The following CACNA2D1 variants were observed in gnomAD, a reference collection of about 807,000 sequenced individuals.
CACNA2D1 encodes the protein voltage-dependent calcium channel subunit alpha-2/delta-1.
CACNA2D1 carries 53 observed loss-of-function variants against 171.5 expected under a neutral mutation model. The ratio of observed to expected loss-of-function variants is 0.31; its 90% CI spans 0.25 to 0.39. The LOEUF is 0.39. Ranked by LOEUF, CACNA2D1 falls within the 10% of genes least tolerant of loss-of-function variation. The probability of loss-of-function intolerance (pLI) is 1.00; values close to 1 mark genes in which losing one functional copy is unlikely to be tolerated. For synonymous variants in CACNA2D1, 442 were observed against 443.1 expected, an observed-to-expected ratio of 1.00 and a Z score of 0.03; for missense variants, 903 against 1,299.8, an observed-to-expected ratio of 0.69 and a Z score of 4.69.
At chr7:82,321,756 T>C (rs1049976143) in intron 3 of CACNA2D1, among the ~76,000 whole-genome samples, 1 of 152,152 alleles carries the variant, frequency 6.6e-6, no homozygotes. Context: ...AATCAAATTT[T>C]AGTGTACACA....
chr7:82,253,427 A>C (rs752496749), intron 3 of CACNA2D1, among the ~76,000 whole-genome samples: 1 of 152,180 alleles, frequency 6.6e-6, no homozygotes, highest in African/African-American at 2.4e-5. Flanking sequence ...TAATTAAGGT[A>C]TTGTCATACT....
intron 4 of CACNA2D1, among the ~76,000 whole-genome samples, chr7:82,146,451 A>T (rs1321592893): frequency 5.0e-5 from 7 of 140,708 alleles, no homozygotes; most frequent in African/African-American, 1.3e-4. Context: ...TATATATATA[A>T]AGATATATAT....
At chr7:82,254,779 T>C (rs961090111) in intron 3 of CACNA2D1, among the ~76,000 whole-genome samples, 2 of 152,202 alleles carry the variant, frequency 1.3e-5, no homozygotes, top group African/African-American at 4.8e-5. Context: ...TCTGCTATCA[T>C]TCATCTTTTT....
chr7:82,137,399 T>G (rs2129079805), intron 4 of CACNA2D1, among the ~76,000 whole-genome samples: 1 of 152,286 alleles, frequency 6.6e-6, no homozygotes, highest in African/African-American at 2.4e-5. Flanking sequence ...ACTCCTATTC[T>G]TTGTGTCTCT....
chr7:82,375,337 G>T (rs1412570248), intron 1 of CACNA2D1, among the ~76,000 whole-genome samples: 1 of 152,138 alleles, frequency 6.6e-6, no homozygotes, highest in Non-Finnish European at 1.5e-5. Context: ...CATTGTCATG[G>T]CTTATTCCTG....
At chr7:82,218,712 A>T (rs978570958) in intron 3 of CACNA2D1, among the ~76,000 whole-genome samples, 2 of 152,134 alleles carry the variant, frequency 1.3e-5, no homozygotes, top group East Asian at 3.9e-4. Flanking sequence ...GTGTGTTGTG[A>T]TACTATACTA....
At chr7:82,097,656 G>A (rs1812052229) in intron 6 of CACNA2D1, among the ~76,000 whole-genome samples, 2 of 151,960 alleles carry the variant, frequency 1.3e-5, no homozygotes, top group South Asian at 4.2e-4. Flanking sequence ...ATTAAACCGC[G>A]TTGTTTAAAA....
chr7:82,421,883 C>T (rs1176564864), intron 1 of CACNA2D1, among the ~76,000 whole-genome samples: 9 of 152,146 alleles, frequency 5.9e-5, no homozygotes, highest in Admixed American at 5.2e-4. Flanking sequence ...ATCAACAATT[C>T]TGGTCTCCAA....
chr7:82,136,411 G>T (rs1284212102), intron 5 of CACNA2D1, among the ~76,000 whole-genome samples: 1 of 151,914 alleles, frequency 6.6e-6, no homozygotes, highest in Non-Finnish European at 1.5e-5. Context: ...TGCAGTGAGG[G>T]TTCAGATCCA....
intron 5 of CACNA2D1, among the ~76,000 whole-genome samples, chr7:82,117,938 T>G (rs1377222644): frequency 6.6e-6 from 1 of 152,150 alleles, no homozygotes; most frequent in African/African-American, 2.4e-5. Flanking sequence ...CTTTGACAAA[T>G]AATGGTACAC....
rs1258046393 is a variant in CACNA2D1, at chr7:81,983,804, C to CA, written c.1874-471dup. On this transcript the variant is annotated intron_variant, in intron 22 of 38. Transcript: ENST00000356860. Reference sequence around the variant, plus strand: ...CAGTGAACACCAGGCCTGATGCGGGCAAAAAAGAACTGACAGAGAAATGAA... The same window carrying CA: ...CAGTGAACACCAGGCCTGATGCGGGCAAAAAAAGAACTGACAGAGAAATGAA... Among the ~76,000 whole-genome samples the CA allele has an allele frequency of 2.0e-5, 3 of 151,710 alleles. No individual in the cohort carries two copies. The East Asian group carries it at 5.8e-4, about 29-fold the overall frequency.
At chr7:82,335,325 T>C (rs779461371) in intron 2 of CACNA2D1, 74 bp from the exon 3 acceptor site, 140 of 869,560 alleles carry the variant, frequency 1.6e-4, no homozygotes, top group Non-Finnish European at 2.6e-4. Context: ...TTGGAATGTA[T>C]TTAAAACTAT....
rs142067944 is a variant in CACNA2D1, at chr7:82,403,611, A to G, written c.95+39754T>C. On this transcript the variant is annotated intron_variant, in intron 1 of 38. Transcript: ENST00000356860. The stretch of plus-strand genomic sequence containing the variant: ...TATTCTCTTTGCTACTTACTGAACA[A>G]TAGTGCTAGGCATCTTTCTAGAAGC... Among the ~76,000 whole-genome samples, 184 of 152,346 alleles carry G rather than the reference A, an allele frequency of 1.2e-3. 2 individuals are homozygous for G. In the South Asian group the frequency reaches 0.014, roughly 11 times the overall value.
chr7:82,374,005 C>G (rs998832443), intron 1 of CACNA2D1, among the ~76,000 whole-genome samples: 2 of 152,154 alleles, frequency 1.3e-5, no homozygotes, highest in Admixed American at 6.6e-5. Context: ...GTTGTGTCAC[C>G]CATGGGAAGG....
chr7:82,099,887 G>A (rs1812461385), intron 6 of CACNA2D1, among the ~76,000 whole-genome samples: 1 of 151,964 alleles, frequency 6.6e-6, no homozygotes, highest in Non-Finnish European at 1.5e-5. Context: ...TTAAAAAGTA[G>A]TTCTACATGG....
chr7:82,396,910 C>G (rs865944219), intron 1 of CACNA2D1, among the ~76,000 whole-genome samples: 3 of 152,312 alleles, frequency 2.0e-5, no homozygotes, highest in Middle Eastern at 3.4e-3. Flanking sequence ...AAACAAAAGT[C>G]TAACAGAATT....
At chr7:82,443,251 C>T (rs1585984202) in intron 1 of CACNA2D1, 114 bp downstream of exon 1, 3 of 1,027,238 alleles carry the variant, frequency 2.9e-6, no homozygotes, top group African/African-American at 1.7e-5. Context: ...GCTCCCCGGC[C>T]GCTCGCTCCC....
At chr7:82,366,911 T>TTTTTTTTTTTTTTTTTTTTTTTTC (rs1821800158) in intron 1 of CACNA2D1, among the ~76,000 whole-genome samples, 1 of 140,062 alleles carries the variant, frequency 7.1e-6, no homozygotes, top group Non-Finnish European at 1.6e-5. Flanking sequence ...ACCTTTTTTT[T>TTTTTTTTTTTTTTTTTTTTTTTTC]TTTTTTTTTT....
chr7:81,952,379 C>A (rs1792705470), intron 38 of CACNA2D1, among the ~76,000 whole-genome samples: 1 of 151,888 alleles, frequency 6.6e-6, no homozygotes. Context: ...AAAATTATTT[C>A]TTTAATTGTA....
Sources: allele counts gnomAD v4.1 joint callset (sites outside exome capture counted in the v4.1 genomes callset), GRCh38; gene constraint gnomAD v4.1.1; transcripts MANE v1.5; gene names NCBI Gene and HGNC (gene_info 2026-07-23, HGNC 2026-07-21).